The following COL18A1 variants were observed in gnomAD, a reference collection of about 807,000 sequenced individuals.
COL18A1 encodes the protein collagen alpha-1(XVIII) chain.
Under a neutral mutation model 168.0 loss-of-function variants are expected in COL18A1, and 133 were observed. The ratio of observed to expected loss-of-function variants is 0.79; its 90% confidence interval spans 0.69 to 0.91. The LOEUF is 0.91. COL18A1 is among the 40% of genes least tolerant of loss of function. The pLI is 0.00. For synonymous variants in COL18A1, 949 were observed against 809.0 expected (o/e 1.17, Z -2.94); for missense variants, 2,126 against 1,925.4 (o/e 1.10, Z -1.95).
chr21:45,509,533 T>G lies in COL18A1; in HGVS notation c.3427T>G (p.Tyr1143Asp). The G allele has an allele frequency of 1.3e-6, 2 of 1,538,050 alleles. No individual in the cohort carries two copies. The highest frequency in any genetic ancestry group is 2.4e-5 in the South Asian group (2 of 84,900). ...CCCCGGAGCCCCGCACCACAGCTCC[T>G]ACGTGCACCTGCGGCCGGCGCGACC... is the stretch of plus-strand genomic sequence containing the variant. ...PYPGAPHHSS[Y>D]VHLRPARPTS... Residue 1143 changes from tyrosine (Y) to aspartate (D), a missense_variant, in exon 39 of 42, where the codon TAC becomes GAC. Coordinates refer to ENST00000651438, the MANE Select transcript of COL18A1 (RefSeq NM_001379500.1).
chr21:45,494,553 G>A lies in COL18A1; in HGVS notation c.2361G>A (p.Pro787=), dbSNP rs371966493. 2.7e-5 allele frequency: 43 copies of A among 1,613,172 alleles called. No individual in the cohort carries two copies. The East Asian group carries it at 5.1e-4, about 19-fold the overall frequency. ...GPAQKGAKGE[P]GFRGPPGPYG... ...CTTGTTTTTTTGCTCAGGGAGAGCC[G>A]GGCTTCCGAGGACCCCCGGTAAGTC... is the stretch of plus-strand genomic sequence containing the variant. Residue 787 remains proline, a synonymous_variant, in exon 27 of 42, where the codon CCG becomes CCA. Coordinates refer to ENST00000651438, the MANE Select transcript of COL18A1 (RefSeq NM_001379500.1).
chr21:45,438,042 A>G (rs2034237045), intron 2 of COL18A1, among the ~76,000 whole-genome samples: 2 of 120,416 alleles, frequency 1.7e-5, no homozygotes, highest in South Asian at 2.9e-4. Context: ...ACACACAGGC[A>G]CTCTCCTGCA....
chr21:45,470,082 G>A (rs1293265038), intron 3 of COL18A1, among the ~76,000 whole-genome samples: 2 of 152,228 alleles, frequency 1.3e-5, no homozygotes, highest in Non-Finnish European at 2.9e-5. Context: ...CCGAGAGCTC[G>A]GTACGTGGGT....
At position 45,509,509 on chromosome 21, in the gene COL18A1, C is replaced by T. The variant is rs1369675764; in HGVS notation, c.3403C>T (p.Pro1135Ser). The T allele has an allele frequency of 2.0e-6, 3 of 1,531,822 alleles. No homozygotes were observed. Among genetic ancestry groups the T allele is most frequent in the Non-Finnish European group, 2.6e-6 (3 of 1,137,714 alleles). The allele number at this position is 1,531,822 out of a possible 1,614,324, so 94.9% of individuals were successfully genotyped here. Residue 1135 changes from proline to serine, a missense_variant, in exon 39 of 42, where the codon CCC (proline) becomes TCC (serine). By Grantham distance (74) the Pro-to-Ser change is moderately conservative. Transcript: ENST00000651438. Reference protein sequence around the residue: ...PPRLPEPQPYPGAPHHSSYVH... With the variant: ...PPRLPEPQPYSGAPHHSSYVH... ...TCGCCTGCCCGAGCCCCAGCCCTAC[C>T]CCGGAGCCCCGCACCACAGCTCCTA...
chr21:45,505,336 C>T (rs2037131707), intron 35 of COL18A1, 22 bp from the exon 36 acceptor site: 2 of 1,594,336 alleles, frequency 1.3e-6, no homozygotes, highest in Non-Finnish European at 1.7e-6. Flanking sequence ...TTCGTGTTCC[C>T]ACCTTGGTTT....
chr21:45,468,598 C>G lies in COL18A1; in HGVS notation c.463C>G (p.Leu155Val). Residue 155 changes from leucine (L) to valine (V), a missense_variant, in exon 3 of 42, where the codon CTC becomes GTC. Leu to Val is a conservative substitution (Grantham distance 32). Transcript: ENST00000651438. ...GACCCACACAGCCGCCAGCTTCCGG[C>G]TCCCCGCCTTCGTCGGCCAGTGGAC... ...GQTHTAASFRLPAFVGQWTHL... is the reference protein window; with the variant it reads ...GQTHTAASFRVPAFVGQWTHL... 1 of 1,613,780 alleles carries G rather than the reference C, an allele frequency of 6.2e-7. No homozygotes were observed. The highest frequency in any genetic ancestry group is 1.1e-5 in the South Asian group (1 of 91,092).
rs754187633 is a variant in COL18A1, at chr21:45,510,153, C to G, written c.3585C>G (p.Ala1195=). ...TCCAGTGCTTCCAGCAGGCGCGGGC[C>G]GTGGGGCTGGCGGGCACCTTCCGCG... is the stretch of plus-strand genomic sequence containing the variant. The part of the protein sequence containing the change: ...ADFQCFQQAR[A]VGLAGTFRAF... The change falls in exon 40 of 42, where the codon GCC becomes GCG. Residue 1195 remains alanine, a synonymous_variant. Coordinates refer to ENST00000651438, the MANE Select transcript of COL18A1 (RefSeq NM_001379500.1). 26 of 1,598,722 alleles carry G rather than the reference C, an allele frequency of 1.6e-5. No homozygotes were observed. The highest frequency in any genetic ancestry group is 2.2e-5 in the Non-Finnish European group (26 of 1,173,674).
rs1219331052 is a variant in COL18A1, at chr21:45,505,974, C to A, written c.3216+8C>A. ...GGGTTCCGGAAGGTCCAGGTGAGCG[C>A]TCTGTGTGACGGGTTCTGGACCCGT... On this transcript the variant is annotated splice_region_variant and intron_variant, in intron 37 of 41. Coordinates refer to ENST00000651438, the MANE Select transcript of COL18A1 (RefSeq NM_001379500.1). 1 of 1,613,070 alleles carries A rather than the reference C, an allele frequency of 6.2e-7. No individual in the cohort carries two copies. The highest frequency in any genetic ancestry group is 1.1e-5 in the South Asian group (1 of 91,088).
In COL18A1 at chr21:45,468,629, T is replaced by A; in HGVS notation, c.494T>A (p.Leu165Ter). The A allele has an allele frequency of 6.2e-7, 1 of 1,614,060 alleles. No homozygotes were observed. The highest frequency in any genetic ancestry group is 8.5e-7 in the Non-Finnish European group (1 of 1,180,028). ...GCCTTCGTCGGCCAGTGGACACACT[T>A]AGCCCTCAGTGTGGCAGGTGGCTTT... Reference protein sequence around the residue: ...LPAFVGQWTHLALSVAGGFVA... With the variant: ...LPAFVGQWTH The change falls in exon 3 of 42, where the codon TTA becomes TAA. Residue 165 changes from leucine (L) to a stop codon, truncating the protein, a stop_gained. Coordinates refer to ENST00000651438, the MANE Select transcript of COL18A1 (RefSeq NM_001379500.1). LOFTEE classifies it high-confidence loss of function.
chr21:45,479,588 C>T (rs1023869345), intron 9 of COL18A1, among the ~76,000 whole-genome samples: 6 of 149,968 alleles, frequency 4.0e-5, no homozygotes, highest in African/African-American at 1.2e-4. Flanking sequence ...TCCTCACACA[C>T]ACACCATGCA....
rs1349164521 is a variant in COL18A1, at chr21:45,463,502, T to C, written c.107-4740T>C. 2.0e-5 allele frequency among the ~76,000 whole-genome samples: 3 copies of C among 152,262 alleles called. No individual in the cohort carries two copies. Among genetic ancestry groups the C allele is most frequent in the Non-Finnish European group, 2.9e-5 (2 of 68,046 alleles). ...AGAGTTCTAAGACAAATTCTGCCCATGCACTTGTTAATTAGTTGGGGAGAT... is the reference window on the plus strand; with the variant it reads ...AGAGTTCTAAGACAAATTCTGCCCACGCACTTGTTAATTAGTTGGGGAGAT... On this transcript the variant is annotated intron_variant, in intron 2 of 41. Transcript: ENST00000651438. This position sits in a 1 kb window ranked among gnomAD's most constrained non-coding sequence, Gnocchi z 4.0.
chr21:45,443,525 G>T lies in COL18A1; in HGVS notation c.107-24717G>T, dbSNP rs1414085883. On this transcript the variant is annotated intron_variant, in intron 2 of 41. Transcript: ENST00000651438. This position sits in a 1 kb window ranked among gnomAD's most constrained non-coding sequence, Gnocchi z 5.2. ...CCAGAGCTAGGAGCCTCGGCCAAGG[G>T]CTCCCTCCTTGCACTGTGGTCTCTC... 6.6e-6 allele frequency among the ~76,000 whole-genome samples: 1 copy of T among 152,136 alleles called. No homozygotes were observed. Among genetic ancestry groups the T allele is most frequent in the Admixed American group, 6.5e-5 (1 of 15,292 alleles).
At chr21:45,416,313 C>A (rs2838910) in intron 2 of COL18A1, among the ~76,000 whole-genome samples, 1 of 152,024 alleles carries the variant, frequency 6.6e-6, no homozygotes, top group Admixed American at 6.5e-5. Flanking sequence ...GCAGCACACA[C>A]AGTCTTGCCA....
chr21:45,447,703 A>C (rs1569294125), intron 2 of COL18A1, among the ~76,000 whole-genome samples: 1 of 152,134 alleles, frequency 6.6e-6, no homozygotes, highest in Non-Finnish European at 1.5e-5. Context: ...GAAGAACAAA[A>C]TCGGGGGACC....
At chr21:45,483,175 G>A (rs1489999429) in intron 15 of COL18A1, among the ~76,000 whole-genome samples, 1 of 152,220 alleles carries the variant, frequency 6.6e-6, no homozygotes, top group Non-Finnish European at 1.5e-5. Flanking sequence ...GAGGGGCTGG[G>A]CCACAGCAGG....
At chr21:45,458,384 C>T (rs1302120112) in intron 2 of COL18A1, among the ~76,000 whole-genome samples, 1 of 151,254 alleles carries the variant, frequency 6.6e-6, no homozygotes, top group East Asian at 1.9e-4. Flanking sequence ...CTGTTGGCAT[C>T]TCATAGGGCT....
intron 2 of COL18A1, chr21:45,456,654 G>A (rs1568881798): frequency 2.0e-6 from 3 of 1,535,218 alleles, no homozygotes; most frequent in East Asian, 4.9e-5. Flanking sequence ...GCGTGGGGGG[G>A]CCTGCTGCAG....
intron 31 of COL18A1, 128 bp from the exon 32 acceptor site, chr21:45,497,471 G>C (rs1302110798): frequency 1.2e-5 from 15 of 1,285,064 alleles, no homozygotes; most frequent in Non-Finnish European, 1.6e-5. Flanking sequence ...TACCCTGACT[G>C]TCCCCATGTC....
chr21:45,486,726 G>A (rs902319688), intron 15 of COL18A1, 135 bp from the exon 16 acceptor site: 13 of 968,864 alleles, frequency 1.3e-5, no homozygotes, highest in African/African-American at 6.6e-5. Context: ...TGGGGCCTGC[G>A]TTGCTTGGCA....
Sources: gnomAD v4.1 joint callset for allele counts (sites outside exome capture counted in the v4.1 genomes callset) on GRCh38, gnomAD v4.1.1 for gene constraint, Gnocchi (gnomAD v3.1) non-coding constraint, MANE v1.5 for transcripts, NCBI Gene and HGNC (gene_info 2026-07-23, HGNC 2026-07-21) for gene names.